ACYP2: variants seen among roughly 807,000 people sequenced by gnomAD.
ACYP2 encodes acylphosphatase-2.
In ACYP2, 12 loss-of-function variants were observed where a neutral mutation model predicts 11.2. That is an observed-to-expected ratio of 1.08 (90% CI 0.69 to 1.74). The LOEUF is 1.74. Ranked by LOEUF, ACYP2 falls within the 40% of genes most tolerant of loss-of-function variation. The pLI, the probability that ACYP2 is intolerant of heterozygous loss-of-function variation, is 0.00. For synonymous variants in ACYP2, 43 were observed against 32.2 expected (o/e 1.33, Z -1.13); for missense variants, 134 against 101.9 (o/e 1.31, Z -1.35).
chr2:54,057,451 G>A (rs1676217031), intron 4 of ACYP2: 1 of 391,570 alleles, frequency 2.6e-6, no homozygotes, highest in Non-Finnish European at 4.5e-6. Context: ...GCCTCAGGAT[G>A]GCAGAACTTA....
chr2:53,975,847 A>C (rs1671453801), intron 2 of ACYP2, among the ~76,000 whole-genome samples: 2 of 152,112 alleles, frequency 1.3e-5, no homozygotes, highest in Admixed American at 1.3e-4. Flanking sequence ...AACAAAAAAA[A>C]CAGGATGTTA....
intron 5 of ACYP2, among the ~76,000 whole-genome samples, chr2:54,138,358 C>T (rs918677148): frequency 1.3e-5 from 2 of 152,140 alleles, no homozygotes; most frequent in African/African-American, 4.8e-5. Flanking sequence ...AAAAACACAT[C>T]ATAGGAACTG....
intron 2 of ACYP2, among the ~76,000 whole-genome samples, chr2:54,001,291 T>C (rs1374310446): frequency 6.6e-6 from 1 of 152,114 alleles, no homozygotes; most frequent in African/African-American, 2.4e-5. Flanking sequence ...GGTCTGGGTG[T>C]TTGAAGCTGC....
intron 6 of ACYP2, among the ~76,000 whole-genome samples, chr2:54,143,886 G>C (rs1268119225): frequency 6.6e-6 from 1 of 151,930 alleles, no homozygotes; most frequent in Non-Finnish European, 1.5e-5. Context: ...TCTTAGGTTA[G>C]TGGAAACAAA....
chr2:54,107,537 C>G (rs1287328869), intron 4 of ACYP2, among the ~76,000 whole-genome samples: 1 of 152,204 alleles, frequency 6.6e-6, no homozygotes, highest in Non-Finnish European at 1.5e-5. Flanking sequence ...AGACATTGCA[C>G]TGGTCAAGGT....
At chr2:54,172,596 TTTTTC>T (rs1433113126) in intron 6 of ACYP2, among the ~76,000 whole-genome samples, 6 of 152,150 alleles carry the variant, frequency 3.9e-5, no homozygotes, top group Non-Finnish European at 8.8e-5. Context: ...ACTAATCTCT[TTTTTC>T]TTTTATTTAT....
chr2:54,139,808 C>T (rs1422255355), intron 6 of ACYP2, among the ~76,000 whole-genome samples: 1 of 152,002 alleles, frequency 6.6e-6, no homozygotes, highest in African/African-American at 2.4e-5. Context: ...TGTCTATTTC[C>T]CTCCCCTTTA....
chr2:54,194,941 T>C (rs545479581), intron 6 of ACYP2, among the ~76,000 whole-genome samples: 63 of 152,328 alleles, frequency 4.1e-4, no homozygotes, highest in Non-Finnish European at 6.0e-4. Context: ...GATGTTGTGT[T>C]TTCTGATAAT....
intron 6 of ACYP2, among the ~76,000 whole-genome samples, chr2:54,139,066 A>G (rs1309063573): frequency 1.3e-5 from 2 of 152,228 alleles, no homozygotes; most frequent in African/African-American, 4.8e-5. Context: ...CTGTGAAGAA[A>G]TTCTCAGAGT....
At chr2:54,107,011 C>T (rs553211921) in intron 4 of ACYP2, among the ~76,000 whole-genome samples, 121 of 152,248 alleles carry the variant, frequency 7.9e-4, no homozygotes, top group Non-Finnish European at 2.4e-4. Flanking sequence ...AGGGGTTTAG[C>T]ATGCACCTAA....
chr2:53,980,066 G>C (rs920995610), intron 2 of ACYP2, among the ~76,000 whole-genome samples: 1 of 152,072 alleles, frequency 6.6e-6, no homozygotes, highest in Admixed American at 6.6e-5. Flanking sequence ...TTCATAGCTG[G>C]GCACCATGGC....
At chr2:54,022,531 G>A (rs561139988) in intron 2 of ACYP2, among the ~76,000 whole-genome samples, 2 of 152,060 alleles carry the variant, frequency 1.3e-5, no homozygotes, top group South Asian at 2.1e-4. Flanking sequence ...ATAGGCAGGT[G>A]TCACCATGCT....
intron 6 of ACYP2, among the ~76,000 whole-genome samples, chr2:54,228,567 C>A (rs1190493314): frequency 1.3e-5 from 2 of 152,104 alleles, no homozygotes; most frequent in African/African-American, 4.8e-5. Flanking sequence ...GAATTTGAAA[C>A]CACCTCCCAT....
intron 2 of ACYP2, among the ~76,000 whole-genome samples, chr2:54,013,022 G>A (rs186668959): frequency 3.9e-5 from 6 of 152,126 alleles, no homozygotes; most frequent in South Asian, 4.1e-4. Flanking sequence ...GTGCACTGTC[G>A]TTGCAGGAAA....
intron 2 of ACYP2, among the ~76,000 whole-genome samples, chr2:54,026,061 G>A (rs1656789303): frequency 6.6e-6 from 1 of 152,154 alleles, no homozygotes; most frequent in African/African-American, 2.4e-5. Context: ...AGGTTGCAGT[G>A]AGCTGAGATC....
intron 4 of ACYP2, among the ~76,000 whole-genome samples, chr2:54,103,270 G>A (rs1379558432): frequency 6.6e-6 from 1 of 152,150 alleles, no homozygotes; most frequent in Non-Finnish European, 1.5e-5. Context: ...AGCAACACAT[G>A]TCCACCACAT....
rs1682331242 is a variant in ACYP2, at chr2:54,154,201, T to C, written c.404+15453T>C. On this transcript the variant is annotated intron_variant, in intron 6 of 6. Coordinates refer to ENST00000607452, the MANE Select transcript of ACYP2 (RefSeq NM_001320586.2). ...TTTATCACTTCTAACAGTTTTTTGG[T>C]AGAGTCTTTATGGTTTTTGTCATCA... Among the ~76,000 whole-genome samples the C allele has an allele frequency of 2.0e-5, 3 of 152,178 alleles. No individual in the cohort carries two copies. In the South Asian group the frequency reaches 6.2e-4, roughly 32 times the overall value.
chr2:54,202,450 C>T (rs1684885064), intron 6 of ACYP2, among the ~76,000 whole-genome samples: 1 of 136,052 alleles, frequency 7.4e-6, no homozygotes. Context: ...CTCTGTCTCC[C>T]AGTCTGGAGT....
At chr2:54,007,924 GC>G (rs1328255658) in intron 2 of ACYP2, among the ~76,000 whole-genome samples, 1 of 152,114 alleles carries the variant, frequency 6.6e-6, no homozygotes, top group Non-Finnish European at 1.5e-5. Flanking sequence ...TTTGGGAAGG[GC>G]TACTATCATC....
Sources: gnomAD v4.1 joint callset for allele counts (sites outside exome capture counted in the v4.1 genomes callset) on GRCh38, gnomAD v4.1.1 for gene constraint, MANE v1.5 for transcripts, NCBI Gene and HGNC (gene_info 2026-07-23, HGNC 2026-07-21) for gene names.